CELSR2: variants seen among roughly 807,000 people sequenced by gnomAD.
CELSR2 encodes EGF-like protein 2.
A neutral mutation model predicts 251.6 loss-of-function variants in CELSR2; 81 were observed. The observed-to-expected ratio is 0.32, with a 90% CI of 0.27 to 0.39. The LOEUF (loss-of-function observed/expected upper bound fraction) is 0.39. Among genes scored for constraint, CELSR2 ranks in the 10% least tolerant of loss-of-function variants. The pLI, the probability that CELSR2 is intolerant of heterozygous loss-of-function variation, is 1.00. For missense variants in CELSR2, 3,365 were observed against 3,947.7 expected (o/e 0.85, Z 3.96); for synonymous variants, 1,721 against 1,670.5 (o/e 1.03, Z -0.74).
In CELSR2 at chr1:109,262,806, G is replaced by A; in HGVS notation, c.4545G>A (p.Lys1515=). ...AAQGTQGGSK[K]SLDLTGPLLL... ...GCCGCCACCATCTTTGCTCCCCCAG[G>A]TCTCTGGATCTGACGGGGCCCCTGC... Residue 1515 remains lysine (K), a splice_region_variant and synonymous_variant, in exon 7 of 34, where the codon AAG becomes AAA. Coordinates refer to ENST00000271332, the MANE Select transcript of CELSR2 (RefSeq NM_001408.3). The A allele has an allele frequency of 6.2e-7, 1 of 1,611,154 alleles. No homozygotes were observed. The highest frequency in any genetic ancestry group is 8.5e-7 in the Non-Finnish European group (1 of 1,178,330).
At position 109,269,107 on chromosome 1, in the gene CELSR2, C is replaced by G; in HGVS notation, c.6632-3C>G. 1 of 1,598,970 alleles carries G rather than the reference C, an allele frequency of 6.3e-7. No individual in the cohort carries two copies. Among genetic ancestry groups the G allele is most frequent in the South Asian group, 1.1e-5 (1 of 90,088 alleles). On this transcript the variant is annotated splice_region_variant and splice_polypyrimidine_tract_variant and intron_variant, in intron 19 of 33. Coordinates refer to ENST00000271332, the MANE Select transcript of CELSR2 (RefSeq NM_001408.3). The surrounding 1 kb of genome is among the most constrained non-coding windows in gnomAD (Gnocchi z 6.4). ...AGCTAAGTGTGACAGTGTCCCCTCC[C>G]AGAGACGCCCCCCGTGGTCAGGCCC...
At position 109,271,226 on chromosome 1, in the gene CELSR2, T is replaced by C; in HGVS notation, c.7606T>C (p.Phe2536Leu). ...PVAFAVSMSV[F>L]LYILAARASC... ...CTCTGCCCCTGCCTAGATGAGTGTC[T>C]TCCTGTACATCCTGGCGGCCCGGGC... The change falls in exon 26 of 34, where the codon TTC becomes CTC. Residue 2536 changes from phenylalanine to leucine, a missense_variant. Phe to Leu is a conservative substitution (Grantham distance 22). This residue lies in a region of CELSR2 where 2,093 missense variants were observed against 2,382.8 expected (regional missense o/e 0.88). Coordinates refer to ENST00000271332, the MANE Select transcript of CELSR2 (RefSeq NM_001408.3). The C allele has an allele frequency of 2.5e-6, 4 of 1,613,970 alleles. No individual in the cohort carries two copies. Among genetic ancestry groups the C allele is most frequent in the South Asian group, 2.2e-5 (2 of 91,080 alleles).
intron 8 of CELSR2, 95 bp downstream of exon 8, chr1:109,263,362 AGCG>A: frequency 6.7e-7 from 1 of 1,485,830 alleles, no homozygotes; most frequent in Non-Finnish European, 9.0e-7. Flanking sequence ...GGCTCTGCTG[AGCG>A]GGGCTGTGGG....
At position 109,271,645 on chromosome 1, in the gene CELSR2, C is replaced by G. The variant is rs771700120; in HGVS notation, c.7849C>G (p.Arg2617Gly). Residue 2617 changes from arginine to glycine, a missense_variant, in exon 28 of 34, where the codon CGG becomes GGG. This residue lies in a region of CELSR2 where 2,093 missense variants were observed against 2,382.8 expected (regional missense o/e 0.88). Transcript: ENST00000271332. Reference sequence around the variant, plus strand: ...CTATGTGGTGCTTAGCAAGGAGGTCCGGAAAGCACTCAAGCTTGCCTGCAG... The same window carrying G: ...CTATGTGGTGCTTAGCAAGGAGGTCGGGAAAGCACTCAAGCTTGCCTGCAG... ...LSYVVLSKEV[R>G]KALKLACSRK... 8 of 1,613,934 alleles carry G rather than the reference C, an allele frequency of 5.0e-6. No homozygotes were observed. The Admixed American group carries it at 6.7e-5, about 13-fold the overall frequency.
chr1:109,273,557 C>T lies in CELSR2; in HGVS notation c.8631C>T (p.Gly2877=), dbSNP rs1181588723. The T allele has an allele frequency of 1.3e-6, 2 of 1,566,132 alleles. No individual in the cohort carries two copies. Among genetic ancestry groups the T allele is most frequent in the East Asian group, 2.4e-5 (1 of 42,144 alleles). Reference sequence around the variant, plus strand: ...CCGCTAGTGAGGGCAGCCGGGGAGGCCCCCCTCCCCGCCCACCGCCCCGGC... The same window carrying T: ...CCGCTAGTGAGGGCAGCCGGGGAGGTCCCCCTCCCCGCCCACCGCCCCGGC... ...GSSASEGSRG[G]PPPRPPPRQS... is the part of the protein sequence containing the mutation. Residue 2877 remains glycine (G), a synonymous_variant, in exon 33 of 34, where the codon GGC becomes GGT. Transcript: ENST00000271332.
rs767874482 is a variant in CELSR2 at position 109,264,528 on chromosome 1, G to T, written c.5364G>T (p.Glu1788Asp). 6.2e-7 allele frequency: 1 copy of T among 1,614,082 alleles called. No individual in the cohort carries two copies. The highest frequency in any genetic ancestry group is 1.3e-5 in the African/African-American group (1 of 74,952). The change falls in exon 11 of 34, where the codon GAG becomes GAT. Residue 1788 changes from glutamate (E) to aspartate (D), a missense_variant. By Grantham distance (45) the Glu-to-Asp change is conservative. This residue lies in a region of CELSR2 where 2,093 missense variants were observed against 2,382.8 expected (regional missense o/e 0.88). Transcript: ENST00000271332. ...DPSHGESINV[E>D]QGCSLPDPCD... ...GCCATGGGGAGAGCATCAACGTGGA[G>T]CAAGGCTGTAGCCTGCCTGACCCTT...
Position 109,269,265 on chromosome 1 carries a change from T to C in CELSR2, c.6787T>C (p.Tyr2263His). The change falls in exon 20 of 34, where the codon TAT becomes CAT. Residue 2263 changes from tyrosine to histidine, a missense_variant. Around this residue, in one of 5 missense-constraint regions of CELSR2, gnomAD observed 2,093 missense variants for 2,382.8 expected, o/e 0.88. Coordinates refer to ENST00000271332, the MANE Select transcript of CELSR2 (RefSeq NM_001408.3). The surrounding 1 kb of genome is among the most constrained non-coding windows in gnomAD (Gnocchi z 6.4). Reference sequence around the variant, plus strand: ...CCTGGCCGGGCTACTGCCTCATAACTATGACCCTGACAAGCGCAGCTTGAG... The same window carrying C: ...CCTGGCCGGGCTACTGCCTCATAACCATGACCCTGACAAGCGCAGCTTGAG... ...RTLAGLLPHN[Y>H]DPDKRSLRVP... The C allele has an allele frequency of 6.2e-7, 1 of 1,613,288 alleles. No homozygotes were observed.
At position 109,250,179 on chromosome 1, in the gene CELSR2, G is replaced by A. The variant is rs1483443629; in HGVS notation, c.100G>A (p.Val34Met). ...LLPPPLLGDQ[V>M]GPCRSLGSRG... The stretch of plus-strand genomic sequence containing the variant: ...GCCGCCGCCACTATTGGGAGACCAA[G>A]TGGGGCCCTGTCGTTCCTTGGGGTC... Residue 34 changes from valine (V) to methionine (M), a missense_variant, in exon 1 of 34, where the codon GTG (valine) becomes ATG (methionine). Coordinates refer to ENST00000271332, the MANE Select transcript of CELSR2 (RefSeq NM_001408.3). The surrounding 1 kb of genome is among the most constrained non-coding windows in gnomAD (Gnocchi z 4.4). The A allele has an allele frequency of 6.2e-7, 1 of 1,601,074 alleles. No homozygotes were observed. Among genetic ancestry groups the A allele is most frequent in the Non-Finnish European group, 8.5e-7 (1 of 1,175,786 alleles).
In CELSR2 at chr1:109,273,478, G is replaced by A. The variant is rs1463907991; in HGVS notation, c.8552G>A (p.Ser2851Asn). The A allele has an allele frequency of 6.2e-7, 1 of 1,612,340 alleles. No individual in the cohort carries two copies. The highest frequency in any genetic ancestry group is 8.5e-7 in the Non-Finnish European group (1 of 1,179,502). ...TGTCTGCCCACCATCAGCGAGAAGA[G>A]CAGCCTCCTGCGGCTCCCCCTGGAG... ...KKCLPTISEK[S>N]SLLRLPLEQC... is the part of the protein sequence containing the mutation. Residue 2851 changes from serine (S) to asparagine (N), a missense_variant, in exon 33 of 34, where the codon AGC (serine) becomes AAC (asparagine). This residue lies in a region of CELSR2 where 2,093 missense variants were observed against 2,382.8 expected (regional missense o/e 0.88). Transcript: ENST00000271332.
rs1474056103 is a variant in CELSR2, at chr1:109,262,812, G to A, written c.4551G>A (p.Leu1517=). ...QGTQGGSKKS[L]DLTGPLLLGG... is the part of the protein sequence containing the mutation. Reference sequence around the variant, plus strand: ...ACCATCTTTGCTCCCCCAGGTCTCTGGATCTGACGGGGCCCCTGCTACTAG... The same window carrying A: ...ACCATCTTTGCTCCCCCAGGTCTCTAGATCTGACGGGGCCCCTGCTACTAG... Residue 1517 remains leucine, a synonymous_variant, in exon 7 of 34, where the codon CTG becomes CTA. Coordinates refer to ENST00000271332, the MANE Select transcript of CELSR2 (RefSeq NM_001408.3). The A allele has an allele frequency of 1.2e-6, 2 of 1,612,062 alleles. No homozygotes were observed. Among genetic ancestry groups the A allele is most frequent in the Non-Finnish European group, 1.7e-6 (2 of 1,179,086 alleles).
chr1:109,265,465 C>T (rs1434141822), intron 13 of CELSR2, among the ~76,000 whole-genome samples, 154 bp downstream of exon 13: 2 of 152,216 alleles, frequency 1.3e-5, no homozygotes, highest in Admixed American at 6.5e-5. Flanking sequence ...TGCTTACCTT[C>T]GTGTGTCTGA....
rs1656012947 is a variant in CELSR2 at position 109,261,232 on chromosome 1, G to C, written c.4149G>C (p.Leu1383=). The change falls in exon 3 of 34, where the codon CTG becomes CTC. Residue 1383 remains leucine (L), a synonymous_variant. Coordinates refer to ENST00000271332, the MANE Select transcript of CELSR2 (RefSeq NM_001408.3). This position sits in a 1 kb window ranked among gnomAD's most constrained non-coding sequence, Gnocchi z 4.8. ...ACTCCTTCATCACCTTTCGCGGCCT[G>C]CGCCAGCGTTTCCACTTCACCCTGG... is the stretch of plus-strand genomic sequence containing the variant. ...PAHSFITFRG[L]RQRFHFTLAL... is the part of the protein sequence containing the mutation. The C allele has an allele frequency of 6.2e-7, 1 of 1,613,670 alleles. No homozygotes were observed. The highest frequency in any genetic ancestry group is 8.5e-7 in the Non-Finnish European group (1 of 1,180,034).
rs1393549230 is a variant in CELSR2 at position 109,273,241 on chromosome 1, G to C, written c.8414G>C (p.Gly2805Ala). The change falls in exon 32 of 34, where the codon GGG becomes GCG. Residue 2805 changes from glycine (G) to alanine (A), a missense_variant. Gly to Ala is a moderately conservative substitution (Grantham distance 60). Around this residue, in one of 5 missense-constraint regions of CELSR2, gnomAD observed 2,093 missense variants for 2,382.8 expected, o/e 0.88. Transcript: ENST00000271332. ...GTTAKESSGN[G>A]APEERLRENG... ...ACAGCAAAAGAGAGTAGTGGCAACG[G>C]GGCCCCTGAGGAGCGGCTGCGGGAG... 6.2e-7 allele frequency: 1 copy of C among 1,613,046 alleles called. No homozygotes were observed. The highest frequency in any genetic ancestry group is 8.5e-7 in the Non-Finnish European group (1 of 1,179,550).
Position 109,263,631 on chromosome 1 carries a change from T to C in CELSR2, c.4855T>C (p.Phe1619Leu). The C allele has an allele frequency of 6.2e-7, 1 of 1,614,000 alleles. No individual in the cohort carries two copies. Among genetic ancestry groups the C allele is most frequent in the Non-Finnish European group, 8.5e-7 (1 of 1,179,922 alleles). The change falls in exon 9 of 34, where the codon TTC (phenylalanine) becomes CTC (leucine). Residue 1619 changes from phenylalanine to leucine, a missense_variant. Phe to Leu is a conservative substitution (Grantham distance 22, BLOSUM62 0). Coordinates refer to ENST00000271332, the MANE Select transcript of CELSR2 (RefSeq NM_001408.3). ...CAQEMANPQHFLGSSLVAWHG... is the reference protein window; with the variant it reads ...CAQEMANPQHLLGSSLVAWHG... ...CCCAGAAATGGCCAATCCACAGCAC[T>C]TCCTGGGCAGCAGCCTGGTGGCCTG...
Position 109,268,610 on chromosome 1 carries a change from G to A in CELSR2, c.6348G>A (p.Leu2116=), listed in dbSNP as rs769812385. The A allele has an allele frequency of 2.5e-6, 4 of 1,613,446 alleles. No homozygotes were observed. Among genetic ancestry groups the A allele is most frequent in the South Asian group, 2.2e-5 (2 of 91,004 alleles). ...TGCTGCGGGTGGGCAGCGCCCTCCT[G>A]GACACAGCCAACAAGCGGCACTGGG... ...ENLLRVGSAL[L]DTANKRHWEL... is the part of the protein sequence containing the mutation. The change falls in exon 18 of 34, where the codon CTG becomes CTA. Residue 2116 remains leucine (L), a synonymous_variant. Coordinates refer to ENST00000271332, the MANE Select transcript of CELSR2 (RefSeq NM_001408.3).
At chr1:109,257,066 A>G (rs1253071196) in intron 1 of CELSR2, among the ~76,000 whole-genome samples, 1 of 152,254 alleles carries the variant, frequency 6.6e-6, no homozygotes, top group African/African-American at 2.4e-5. Flanking sequence ...TGTAATAAAT[A>G]CAAATATGAA....
chr1:109,264,797 T>C, intron 11 of CELSR2, 71 bp from the exon 12 acceptor site: 1 of 1,609,676 alleles, frequency 6.2e-7, no homozygotes, highest in Non-Finnish European at 8.5e-7. Context: ...AAGAAACAGA[T>C]GAAGGGTTTG....
In CELSR2 at chr1:109,272,203, C is replaced by G. The variant is rs1656390183; in HGVS notation, c.7927-75C>G. 4 of 1,503,054 alleles carry G rather than the reference C, an allele frequency of 2.7e-6. No homozygotes were observed. The East Asian group carries it at 9.3e-5, about 35-fold the overall frequency. The allele number at this position is 1,503,054 out of a possible 1,614,324, so 93.1% of individuals were successfully genotyped here. On this transcript the variant is annotated intron_variant, in intron 28 of 33. Coordinates refer to ENST00000271332, the MANE Select transcript of CELSR2 (RefSeq NM_001408.3). Reference sequence around the variant, plus strand: ...GAAGGTGGAACTTAGGGCAAGTTCCCTCCACCCTCCTTCTTCCCAGCCTGG... The same window carrying G: ...GAAGGTGGAACTTAGGGCAAGTTCCGTCCACCCTCCTTCTTCCCAGCCTGG...
Position 109,261,837 on chromosome 1 carries a change from G to T in CELSR2, c.4327G>T (p.Val1443Leu). The change falls in exon 5 of 34, where the codon GTG becomes TTG. Residue 1443 changes from valine (V) to leucine (L), a missense_variant. By Grantham distance (32) the Val-to-Leu change is conservative. Transcript: ENST00000271332. This position sits in a 1 kb window ranked among gnomAD's most constrained non-coding sequence, Gnocchi z 4.8. ...GESTTTVSPF[V>L]PGGVSDGQWH... is the part of the protein sequence containing the mutation. ...GTCAACCACCACGGTGTCCCCATTCGTGCCCGGAGGAGTCAGTGATGGCCA... is the reference window on the plus strand; with the variant it reads ...GTCAACCACCACGGTGTCCCCATTCTTGCCCGGAGGAGTCAGTGATGGCCA... 1 of 1,595,148 alleles carries T rather than the reference G, an allele frequency of 6.3e-7. No homozygotes were observed. The highest frequency in any genetic ancestry group is 8.6e-7 in the Non-Finnish European group (1 of 1,169,402).
Sources: gnomAD v4.1 joint callset for allele counts (sites outside exome capture counted in the v4.1 genomes callset) on GRCh38, gnomAD v4.1.1 for gene constraint, gnomAD v4.1.1 regional missense constraint, Gnocchi (gnomAD v3.1) non-coding constraint, MANE v1.5 for transcripts, NCBI Gene and HGNC (gene_info 2026-07-23, HGNC 2026-07-21) for gene names.